The following ATP1B4 variants were observed in gnomAD, a reference collection of about 807,000 sequenced individuals.
ATP1B4 encodes the protein ATPase Na+/K+ transporting family member beta 4, also known as protein ATP1B4.
A neutral mutation model predicts 29.6 loss-of-function variants in ATP1B4; 32 were observed. The ratio of observed to expected loss-of-function variants is 1.08; its 90% CI spans 0.82 to 1.45. The LOEUF (loss-of-function observed/expected upper bound fraction) is 1.45. Among genes scored for constraint, ATP1B4 ranks in the 40% most tolerant of loss-of-function variants. The probability of loss-of-function intolerance (pLI) is 0.00; values close to 1 mark genes in which losing one functional copy is unlikely to be tolerated. For synonymous variants in ATP1B4, 127 were observed against 102.1 expected (o/e 1.24, Z -1.47); for missense variants, 323 against 276.2 (o/e 1.17, Z -1.20).
At chrX:120,374,774 A>ATATATATATTATATATAAGGGT (rs1491167165) in intron 4 of ATP1B4, among the ~76,000 whole-genome samples, 1 of 1,192 alleles carries the variant, frequency 8.4e-4, no homozygotes, top group Non-Finnish European at 1.6e-3. Flanking sequence ...ATATATATAT[A>ATATATATATTATATATAAGGGT]ATATATATAT....
Position 120,371,165 on chromosome X carries a change from G to C in ATP1B4, c.517G>C (p.Asp173His). The change falls in exon 4 of 8, where the codon GAC (aspartate) becomes CAC (histidine). Residue 173 changes from aspartate to histidine, a missense_variant. Transcript: ENST00000218008. Reference sequence around the variant, plus strand: ...CTTCAACTTCAACGTTTCTGAACCCGACACTTGGCAGCATTATGTGATTAG... The same window carrying C: ...CTTCAACTTCAACGTTTCTGAACCCCACACTTGGCAGCATTATGTGATTAG... The part of the protein sequence containing the change: ...LNFNFNVSEP[D>H]TWQHYVISLN... The C allele has an allele frequency of 3.3e-6, 4 of 1,211,055 alleles. No individual in the cohort carries two copies. The highest frequency in any genetic ancestry group is 4.5e-6 in the Non-Finnish European group (4 of 895,038).
chrX:120,364,787 G>T (rs1352271044), intron 1 of ATP1B4, among the ~76,000 whole-genome samples: 2 of 112,170 alleles, frequency 1.8e-5, no homozygotes, highest in Non-Finnish European at 3.8e-5. Context: ...CATGATCACA[G>T]CTCACTGCAG....
Position 120,375,365 on chromosome X carries a change from G to A in ATP1B4, c.563-7G>A. Reference sequence around the variant, plus strand: ...ACATAACCTGTTGCCACTCACACATGCTTTAGGTTATAATGACAGTCTTCA... The same window carrying A: ...ACATAACCTGTTGCCACTCACACATACTTTAGGTTATAATGACAGTCTTCA... On this transcript the variant is annotated splice_region_variant and splice_polypyrimidine_tract_variant and intron_variant, in intron 4 of 7. Transcript: ENST00000218008. 5 of 1,205,396 alleles carry A rather than the reference G, an allele frequency of 4.1e-6. No homozygotes were observed. In the South Asian group the frequency reaches 7.2e-5, roughly 17 times the overall value.
At chrX:120,370,647 T>C in intron 2 of ATP1B4, 68 bp from the exon 3 acceptor site, 1 of 1,175,649 alleles carries the variant, frequency 8.5e-7, no homozygotes, top group Non-Finnish European at 1.1e-6. Context: ...TTCTGGTTCA[T>C]GAGTCCAAGC....
intron 6 of ATP1B4, among the ~76,000 whole-genome samples, chrX:120,376,822 T>C (rs759571588): frequency 1.8e-5 from 2 of 112,791 alleles, no homozygotes; most frequent in South Asian, 7.3e-4. Flanking sequence ...CAGCTTTCAT[T>C]AGAGTCATTA....
rs756966268 is a variant in ATP1B4, at chrX:120,379,751, C to T, written c.*117C>T. The T allele has an allele frequency of 1.8e-4, 134 of 749,734 alleles. No homozygotes were observed. Among genetic ancestry groups the T allele is most frequent in the Non-Finnish European group, 2.4e-4 (127 of 536,275 alleles). 61.8% of individuals were successfully genotyped at this position (749,734 alleles called of 1,213,427 possible). On this transcript the variant is annotated 3_prime_UTR_variant, in exon 8 of 8. Coordinates refer to ENST00000218008, the MANE Select transcript of ATP1B4 (RefSeq NM_001142447.3). ...ACAGCCAGATGGACATCTAAGACAG[C>T]CGATCATCTTTCCTTGCCTATGACA... is the stretch of plus-strand genomic sequence containing the variant.
rs2058307874 is a variant in ATP1B4, at chrX:120,370,582, A to G, written c.329-133A>G. 6.3e-6 allele frequency: 5 copies of G among 788,474 alleles called. No homozygotes were observed. In the Admixed American group the frequency reaches 1.2e-4, roughly 19 times the overall value. The allele number at this position is 788,474 out of a possible 1,213,427, so 65.0% of individuals were successfully genotyped here. The stretch of plus-strand genomic sequence containing the variant: ...CCAAATTGGTGAAATCTGAATAAGC[A>G]AGGACATACTGAATCTGAGGAATTT... On this transcript the variant is annotated intron_variant, in intron 2 of 7. Coordinates refer to ENST00000218008, the MANE Select transcript of ATP1B4 (RefSeq NM_001142447.3).
intron 5 of ATP1B4, 145 bp from the exon 6 acceptor site, chrX:120,376,235 C>T: frequency 1.6e-5 from 8 of 507,097 alleles, no homozygotes; most frequent in Admixed American, 1.1e-4. Context: ...TCATTTTTTG[C>T]TTTTTGTAAC....
Position 120,381,315 on chromosome X carries a change from G to C in ATP1B4, c.*1681G>C, listed in dbSNP as rs957690311. 3.6e-5 allele frequency: 4 copies of C among 112,191 alleles called. No homozygotes were observed. The highest frequency in any genetic ancestry group is 9.4e-5 in the Admixed American group (1 of 10,598). The allele number at this position is 112,191 out of a possible 1,213,427, so 9.2% of individuals were successfully genotyped here. ...CAGAGGAATGGCAGGGATGGCAAGA[G>C]ATCCAGCTAGAGAGGTATTCAGGGA... On this transcript the variant is annotated 3_prime_UTR_variant, in exon 8 of 8. Coordinates refer to ENST00000218008, the MANE Select transcript of ATP1B4 (RefSeq NM_001142447.3).
In ATP1B4 at chrX:120,375,587, T is replaced by C; in HGVS notation, c.759+19T>C. The C allele has an allele frequency of 8.5e-7, 1 of 1,179,523 alleles. No homozygotes were observed. Reference sequence around the variant, plus strand: ...GAACCGGGTATATTGGCTTTTCATATCTGGTGGTGATAAGCGAATGAACTA... The same window carrying C: ...GAACCGGGTATATTGGCTTTTCATACCTGGTGGTGATAAGCGAATGAACTA... On this transcript the variant is annotated intron_variant, in intron 5 of 7. Transcript: ENST00000218008.
At position 120,366,443 on chromosome X, in the gene ATP1B4, A is replaced by T. The variant is rs765221984; in HGVS notation, c.64-82A>T. ...TTGAAGCATCTCCAAATATTGAGTC[A>T]TTTCGATTTATTTTTGGCTGGTGGG... On this transcript the variant is annotated intron_variant, in intron 1 of 7. Coordinates refer to ENST00000218008, the MANE Select transcript of ATP1B4 (RefSeq NM_001142447.3). The T allele has an allele frequency of 3.8e-6, 4 of 1,061,720 alleles. No homozygotes were observed. The African/African-American group carries it at 5.6e-5, about 15-fold the overall frequency. The allele number at this position is 1,061,720 out of a possible 1,213,427, so 87.5% of individuals were successfully genotyped here.
At chrX:120,362,493 G>A (rs943010311) in intron 1 of ATP1B4, among the ~76,000 whole-genome samples, 4 of 111,720 alleles carry the variant, frequency 3.6e-5, no homozygotes, top group African/African-American at 9.8e-5. Context: ...AGAATAAGTG[G>A]CTTCTAAAAT....
intron 4 of ATP1B4, among the ~76,000 whole-genome samples, chrX:120,374,786 T>TATACCCTTATATATAATATA (rs1491129477): frequency 0.04 from 16 of 403 alleles, 3 homozygotes; most frequent in African/African-American, 0.091. Context: ...TATATATATA[T>TATACCCTTATATATAATATA]TATATACCCT....
chrX:120,370,621 T>G (rs2058308077), intron 2 of ATP1B4, 94 bp from the exon 3 acceptor site: 2 of 1,057,061 alleles, frequency 1.9e-6, no homozygotes, highest in Admixed American at 5.6e-5. Flanking sequence ...AAAGAGCTAT[T>G]TCGTGGTTGG....
At position 120,378,753 on chromosome X, in the gene ATP1B4, T is replaced by C; in HGVS notation, c.892T>C (p.Tyr298His). ...TTCTTTTGACCTCCGCTACTACCCT[T>C]ACTACGGCAAACTGACTCACGTAAG... ...SASFDLRYYP[Y>H]YGKLTHVNYT... The change falls in exon 7 of 8, where the codon TAC (tyrosine) becomes CAC (histidine). Residue 298 changes from tyrosine to histidine, a missense_variant. Physicochemically the swap from Tyr to His is moderately conservative, Grantham distance 83. Coordinates refer to ENST00000218008, the MANE Select transcript of ATP1B4 (RefSeq NM_001142447.3). 8.3e-7 allele frequency: 1 copy of C among 1,210,049 alleles called. No homozygotes were observed. Among genetic ancestry groups the C allele is most frequent in the South Asian group, 1.8e-5 (1 of 56,941 alleles).
chrX:120,365,948 T>C lies in ATP1B4; in HGVS notation c.64-577T>C, dbSNP rs111708008. ...GGGCAATAATCAGAGAAGCAGCTAA[T>C]AACTGCCCATCTATTGTTTCTGTTG... On this transcript the variant is annotated intron_variant, in intron 1 of 7. Coordinates refer to ENST00000218008, the MANE Select transcript of ATP1B4 (RefSeq NM_001142447.3). Among the ~76,000 whole-genome samples the C allele has an allele frequency of 7.8e-3, 871 of 111,866 alleles. 6 individuals carry two copies. Among genetic ancestry groups the C allele is most frequent in the Non-Finnish European group, 0.012 (650 of 53,156 alleles).
chrX:120,372,736 C>T (rs766642618), intron 4 of ATP1B4, among the ~76,000 whole-genome samples: 1 of 112,448 alleles, frequency 8.9e-6, no homozygotes, highest in South Asian at 3.6e-4. Context: ...TAATTCTACG[C>T]TGCTGTCACA....
intron 6 of ATP1B4, among the ~76,000 whole-genome samples, chrX:120,377,474 C>T (rs917156320): frequency 6.3e-5 from 7 of 111,894 alleles, no homozygotes; most frequent in Admixed American, 2.9e-4. Context: ...ACAAACTATC[C>T]GAACTGATTC....
intron 1 of ATP1B4, among the ~76,000 whole-genome samples, chrX:120,364,617 T>C (rs2058276564): frequency 8.9e-6 from 1 of 112,724 alleles, no homozygotes; most frequent in Admixed American, 9.3e-5. Flanking sequence ...AGAACAGGTA[T>C]TAATCCATTC....
Sources: allele counts gnomAD v4.1 joint callset (sites outside exome capture counted in the v4.1 genomes callset), GRCh38; gene constraint gnomAD v4.1.1; transcripts MANE v1.5; gene names NCBI Gene and HGNC (gene_info 2026-07-23, HGNC 2026-07-21).